Variants in SLC35F2 observed in about 807,000 individuals in gnomAD.
SLC35F2 encodes the protein queuine/queuosine transporter SLC35F2.
Under a neutral mutation model 38.1 loss-of-function variants are expected in SLC35F2, and 25 were observed. That is an observed-to-expected ratio of 0.66 (90% CI 0.48 to 0.92). The LOEUF (loss-of-function observed/expected upper bound fraction) is 0.92, where lower values mean the gene tolerates loss of function less well. Among genes scored for constraint, SLC35F2 ranks in the 40% least tolerant of loss-of-function variants. The pLI, the probability that SLC35F2 is intolerant of heterozygous loss-of-function variation, is 0.00. For missense variants in SLC35F2, 409 were observed against 452.9 expected, an observed-to-expected ratio of 0.90 and a Z score of 0.88; for synonymous variants, 173 against 181.7, an observed-to-expected ratio of 0.95 and a Z score of 0.38.
intron 1 of SLC35F2, among the ~76,000 whole-genome samples, chr11:107,851,582 C>G (rs1313029599): frequency 6.7e-6 from 1 of 148,916 alleles, no homozygotes; most frequent in Non-Finnish European, 1.5e-5. Flanking sequence ...GAAATTTTTT[C>G]TAAAAAAAAG....
chr11:107,794,004 T>G (rs931080871), intron 7 of SLC35F2, among the ~76,000 whole-genome samples: 7 of 152,160 alleles, frequency 4.6e-5, no homozygotes, highest in African/African-American at 1.7e-4. Flanking sequence ...TAAATTCTAT[T>G]AAGAATTTTG....
At chr11:107,834,075 T>G (rs1208819607) in intron 1 of SLC35F2, among the ~76,000 whole-genome samples, 1 of 152,320 alleles carries the variant, frequency 6.6e-6, no homozygotes, top group East Asian at 1.9e-4. Context: ...TTTCAGTACC[T>G]TATCAGTTAA....
intron 1 of SLC35F2, among the ~76,000 whole-genome samples, chr11:107,841,923 G>A (rs1175008834): frequency 2.6e-5 from 4 of 151,670 alleles, no homozygotes; most frequent in East Asian, 2.0e-4. Flanking sequence ...AAGATTAGCC[G>A]GGCGTGGTGG....
chr11:107,812,051 G>A (rs567949381), intron 2 of SLC35F2, among the ~76,000 whole-genome samples: 4 of 152,134 alleles, frequency 2.6e-5, no homozygotes, highest in East Asian at 1.9e-4. Context: ...ACAGGCGTAC[G>A]CCACCATACC....
chr11:107,852,889 A>C (rs1860210672), intron 1 of SLC35F2, among the ~76,000 whole-genome samples: 1 of 151,436 alleles, frequency 6.6e-6, no homozygotes, highest in Non-Finnish European at 1.5e-5. Context: ...AAAAAAAAAA[A>C]AAAATTTAGC....
intron 1 of SLC35F2, among the ~76,000 whole-genome samples, chr11:107,818,100 G>GA (rs1859610890): frequency 7.7e-6 from 1 of 130,292 alleles, no homozygotes; most frequent in Admixed American, 7.3e-5. Context: ...AAGAAAGAAA[G>GA]AAAGAAAGAA....
At chr11:107,799,502 T>C (rs500063) in intron 7 of SLC35F2, among the ~76,000 whole-genome samples, 74,971 of 151,964 alleles carry the variant, frequency 0.49, 18,857 homozygotes, top group Non-Finnish European at 0.54. Flanking sequence ...GCTGACATTG[T>C]AGTCTATGAC....
At chr11:107,834,906 T>C (rs1859905741) in intron 1 of SLC35F2, among the ~76,000 whole-genome samples, 1 of 152,188 alleles carries the variant, frequency 6.6e-6, no homozygotes, top group Non-Finnish European at 1.5e-5. Context: ...TGCAAAAATA[T>C]CCTAACACAC....
intron 1 of SLC35F2, 35 bp downstream of exon 1, chr11:107,858,623 C>A: frequency 1.6e-6 from 2 of 1,261,616 alleles, no homozygotes; most frequent in Non-Finnish European, 2.0e-6. Context: ...CGCCCCCACG[C>A]CCCAGCGGAG....
intron 1 of SLC35F2, among the ~76,000 whole-genome samples, chr11:107,826,364 C>T (rs1282805649): frequency 2.6e-5 from 4 of 151,910 alleles, no homozygotes; most frequent in Non-Finnish European, 5.9e-5. Flanking sequence ...ACAACCTCCG[C>T]TTCCCAAGTA....
intron 2 of SLC35F2, among the ~76,000 whole-genome samples, chr11:107,813,450 G>A (rs1413001858): frequency 1.3e-5 from 2 of 152,032 alleles, no homozygotes; most frequent in Non-Finnish European, 2.9e-5. Flanking sequence ...GGCAACAAGA[G>A]CGAAACTCCG....
At chr11:107,811,421 G>A (rs1859476932) in intron 3 of SLC35F2, among the ~76,000 whole-genome samples, 1 of 152,188 alleles carries the variant, frequency 6.6e-6, no homozygotes, top group South Asian at 2.1e-4. Context: ...AAATATTTAT[G>A]CTTATTTGGT....
At chr11:107,806,337 T>C (rs1452150299) in intron 4 of SLC35F2, among the ~76,000 whole-genome samples, 1 of 152,216 alleles carries the variant, frequency 6.6e-6, no homozygotes, top group African/African-American at 2.4e-5. Flanking sequence ...CTTAACTCAC[T>C]TGTAGACTGG....
At position 107,811,820 on chromosome 11, in the gene SLC35F2, A is replaced by G. The variant is rs746742607; in HGVS notation, c.287-26T>C. The G allele has an allele frequency of 2.5e-6, 4 of 1,602,034 alleles. No individual in the cohort carries two copies. The East Asian group carries it at 6.7e-5, about 27-fold the overall frequency. On this transcript the variant is annotated intron_variant, in intron 2 of 7. Coordinates refer to ENST00000525815, the MANE Select transcript of SLC35F2 (RefSeq NM_017515.5). ...CTGGTTGAAAGAAATATGGGTTAGT[A>G]CATGTTACTTGCAAATGATACCATA... is the stretch of plus-strand genomic sequence containing the variant.
rs143379033 is a variant in SLC35F2, at chr11:107,795,573, A to G, written c.940-2773T>C. On this transcript the variant is annotated intron_variant, in intron 7 of 7. Coordinates refer to ENST00000525815, the MANE Select transcript of SLC35F2 (RefSeq NM_017515.5). ...AAAATATCTGCAAACTATTAATCCA[A>G]CAAGGGACTAATAACCAGAGTATAC... 2.0e-5 allele frequency among the ~76,000 whole-genome samples: 3 copies of G among 152,380 alleles called. No individual in the cohort carries two copies. In the East Asian group the frequency reaches 5.8e-4, roughly 29 times the overall value.
At chr11:107,809,816 A>G (rs1008972001) in intron 3 of SLC35F2, 4 of 985,382 alleles carry the variant, frequency 4.1e-6, no homozygotes, top group Non-Finnish European at 4.8e-6. Flanking sequence ...AGAGAAAATG[A>G]AAATTGAATT....
chr11:107,794,371 G>A (rs574016186), intron 7 of SLC35F2, among the ~76,000 whole-genome samples: 92 of 152,250 alleles, frequency 6.0e-4, no homozygotes, highest in Admixed American at 1.2e-3. Flanking sequence ...GAGCTACCAC[G>A]CCTGGCCATC....
chr11:107,824,079 A>G (rs1001513122), intron 1 of SLC35F2: 6 of 819,664 alleles, frequency 7.3e-6, no homozygotes, highest in Non-Finnish European at 7.4e-6. Flanking sequence ...TAATTCTAGT[A>G]AGCATGAGTA....
intron 1 of SLC35F2, among the ~76,000 whole-genome samples, chr11:107,852,538 G>C (rs1225839582): frequency 7.5e-6 from 1 of 132,542 alleles, no homozygotes; most frequent in African/African-American, 2.9e-5. Context: ...GCAACAGTGC[G>C]AGACTCCACC....
Sources: gnomAD v4.1 joint callset for allele counts (sites outside exome capture counted in the v4.1 genomes callset) on GRCh38, gnomAD v4.1.1 for gene constraint, MANE v1.5 for transcripts, NCBI Gene and HGNC (gene_info 2026-07-23, HGNC 2026-07-21) for gene names.